The following KCNIP4 variants were observed in gnomAD, a reference collection of about 807,000 sequenced individuals.
KCNIP4 encodes the protein Kv channel-interacting protein 4.
In KCNIP4, 12 loss-of-function variants were observed where a neutral mutation model predicts 34.0. The observed-to-expected ratio is 0.35, with a 90% confidence interval of 0.23 to 0.57. The LOEUF is 0.57. Ranked by LOEUF, KCNIP4 falls within the 20% of genes least tolerant of loss-of-function variation. The pLI, the probability that KCNIP4 is intolerant of heterozygous loss-of-function variation, is 0.83. For missense variants in KCNIP4, 238 were observed against 311.7 expected, an observed-to-expected ratio of 0.76 and a Z score of 1.78; for synonymous variants, 124 against 102.2, an observed-to-expected ratio of 1.21 and a Z score of -1.29.
intron 1 of KCNIP4, among the ~76,000 whole-genome samples, chr4:21,669,477 AAT>A (rs556558524): frequency 1.1e-3 from 170 of 152,334 alleles, no homozygotes; most frequent in African/African-American, 4.0e-3. Context: ...TAACATATAA[AAT>A]ACATGTTAAT....
intron 4 of KCNIP4, among the ~76,000 whole-genome samples, chr4:20,755,419 A>G (rs1422640699): frequency 6.6e-6 from 1 of 152,228 alleles, no homozygotes; most frequent in African/African-American, 2.4e-5. Flanking sequence ...TCCACTGTAC[A>G]GTGATAGCCA....
chr4:21,717,656 C>T (rs1489132592), intron 1 of KCNIP4, among the ~76,000 whole-genome samples: 1 of 152,126 alleles, frequency 6.6e-6, no homozygotes, highest in Non-Finnish European at 1.5e-5. Flanking sequence ...CTCTTGATTG[C>T]TTCTTATTTT....
intron 1 of KCNIP4, among the ~76,000 whole-genome samples, chr4:21,924,026 G>T (rs1729089157): frequency 6.6e-6 from 1 of 152,036 alleles, no homozygotes. Flanking sequence ...CAGTGATTGG[G>T]TTTCTACTTC....
intron 1 of KCNIP4, among the ~76,000 whole-genome samples, chr4:21,764,743 A>T (rs1718290868): frequency 6.6e-6 from 1 of 152,080 alleles, no homozygotes; most frequent in African/African-American, 2.4e-5. Context: ...AGCAAGACTA[A>T]GGGACCTACT....
intron 1 of KCNIP4, among the ~76,000 whole-genome samples, chr4:21,686,166 C>A (rs1577842749): frequency 6.6e-6 from 1 of 152,048 alleles, no homozygotes; most frequent in East Asian, 1.9e-4. Context: ...AGTCTCTTAT[C>A]CTAATCTGGT....
intron 1 of KCNIP4, among the ~76,000 whole-genome samples, chr4:20,971,593 T>C (rs1285746104): frequency 6.6e-6 from 1 of 152,232 alleles, no homozygotes; most frequent in Non-Finnish European, 1.5e-5. Flanking sequence ...AAAAATACTT[T>C]ACTGTTAAAA....
chr4:21,766,372 G>A (rs1017049911), intron 1 of KCNIP4, among the ~76,000 whole-genome samples: 3 of 152,040 alleles, frequency 2.0e-5, no homozygotes, highest in African/African-American at 7.2e-5. Flanking sequence ...CAAATAATTT[G>A]CACAAGGATT....
chr4:21,481,606 G>T (rs1731432550), intron 1 of KCNIP4, among the ~76,000 whole-genome samples: 1 of 152,146 alleles, frequency 6.6e-6, no homozygotes, highest in Non-Finnish European at 1.5e-5. Flanking sequence ...GCTTAATGGG[G>T]TTATGTTTAA....
chr4:21,307,422 T>A (rs543853333), intron 1 of KCNIP4, among the ~76,000 whole-genome samples: 1 of 152,250 alleles, frequency 6.6e-6, no homozygotes, highest in East Asian at 1.9e-4. Flanking sequence ...CACCTGGCCC[T>A]GGAATCACTA....
chr4:21,625,239 T>C (rs966396851), intron 1 of KCNIP4, among the ~76,000 whole-genome samples: 1 of 152,154 alleles, frequency 6.6e-6, no homozygotes, highest in Non-Finnish European at 1.5e-5. Context: ...TTTGAATCTA[T>C]AAAATACAGA....
intron 1 of KCNIP4, among the ~76,000 whole-genome samples, chr4:21,823,229 T>C (rs935230678): frequency 6.6e-6 from 1 of 152,092 alleles, no homozygotes; most frequent in Non-Finnish European, 1.5e-5. Flanking sequence ...CAAGAGCTAC[T>C]GCTGACTTCA....
At chr4:21,470,770 A>G (rs1172182609) in intron 1 of KCNIP4, among the ~76,000 whole-genome samples, 1 of 152,178 alleles carries the variant, frequency 6.6e-6, no homozygotes, top group Non-Finnish European at 1.5e-5. Context: ...AGTTAGTTAC[A>G]AGAGAATTCT....
At chr4:21,337,186 C>T (rs953818208) in intron 1 of KCNIP4, among the ~76,000 whole-genome samples, 4 of 151,950 alleles carry the variant, frequency 2.6e-5, no homozygotes, top group Non-Finnish European at 2.9e-5. Context: ...TGCTGGGAAG[C>T]GGAGAAGATG....
At chr4:21,302,707 G>C (rs774525010) in intron 1 of KCNIP4, among the ~76,000 whole-genome samples, 1 of 151,792 alleles carries the variant, frequency 6.6e-6, no homozygotes, top group Non-Finnish European at 1.5e-5. Context: ...CGCCTCCTGC[G>C]CCCTGCATCC....
intron 1 of KCNIP4, among the ~76,000 whole-genome samples, chr4:21,610,580 T>A (rs1308497028): frequency 6.6e-6 from 1 of 152,116 alleles, no homozygotes; most frequent in Non-Finnish European, 1.5e-5. Flanking sequence ...CAATCAAAAT[T>A]CACATTAGGG....
At chr4:21,756,695 T>C (rs948559911) in intron 1 of KCNIP4, among the ~76,000 whole-genome samples, 1 of 152,162 alleles carries the variant, frequency 6.6e-6, no homozygotes, top group South Asian at 2.1e-4. Flanking sequence ...CCTTGATATC[T>C]CTGAATTACT....
At chr4:21,029,788 C>T (rs1170527707) in intron 1 of KCNIP4, among the ~76,000 whole-genome samples, 7 of 152,178 alleles carry the variant, frequency 4.6e-5, no homozygotes, top group Non-Finnish European at 8.8e-5. Flanking sequence ...TATGCTCCTA[C>T]ACCAACTTGA....
intron 1 of KCNIP4, among the ~76,000 whole-genome samples, chr4:21,599,763 C>T (rs954893785): frequency 2.6e-5 from 4 of 152,062 alleles, no homozygotes; most frequent in African/African-American, 9.7e-5. Flanking sequence ...TCTGTGTTAA[C>T]TTTCCTGGTT....
intron 1 of KCNIP4, among the ~76,000 whole-genome samples, chr4:21,917,896 T>C (rs571149922): frequency 7.0e-4 from 106 of 152,318 alleles, no homozygotes; most frequent in Non-Finnish European, 1.1e-3. Flanking sequence ...CATTCAGACA[T>C]GATCTCAAAT....
Sources: allele counts gnomAD v4.1 joint callset (sites outside exome capture counted in the v4.1 genomes callset), GRCh38; gene constraint gnomAD v4.1.1; transcripts MANE v1.5; gene names NCBI Gene and HGNC (gene_info 2026-07-23, HGNC 2026-07-21).